DIAPH2: variants seen among roughly 807,000 people sequenced by gnomAD.
The protein encoded by DIAPH2 is protein diaphanous homolog 2.
In DIAPH2, 35 loss-of-function variants were observed where a neutral mutation model predicts 92.7. The observed-to-expected ratio is 0.38, with a 90% CI of 0.29 to 0.50. DIAPH2 has a LOEUF of 0.50. Among genes scored for constraint, DIAPH2 ranks in the 20% least tolerant of loss-of-function variants. The pLI is 0.94. For missense variants in DIAPH2, 701 were observed against 819.5 expected (o/e 0.86, Z 1.77); for synonymous variants, 301 against 280.4 (o/e 1.07, Z -0.73).
chrX:96,759,838 A>G (rs1431281811), intron 4 of DIAPH2, among the ~76,000 whole-genome samples: 2 of 111,646 alleles, frequency 1.8e-5, no homozygotes, highest in African/African-American at 6.5e-5. Context: ...ACTTGTTTTC[A>G]TTTATTCTCA....
intron 4 of DIAPH2, among the ~76,000 whole-genome samples, chrX:96,845,732 T>C (rs2064966749): frequency 8.9e-6 from 1 of 112,454 alleles, no homozygotes; most frequent in Non-Finnish European, 1.9e-5. Flanking sequence ...TCTAATTTCA[T>C]TTGATATAAA....
chrX:96,906,782 T>G (rs1016208686), intron 5 of DIAPH2, among the ~76,000 whole-genome samples: 1 of 111,938 alleles, frequency 8.9e-6, no homozygotes, highest in African/African-American at 3.2e-5. Flanking sequence ...AAGTCTTTAA[T>G]TTTTAGCTTT....
At chrX:97,226,540 A>C (rs993076807) in intron 22 of DIAPH2, among the ~76,000 whole-genome samples, 4 of 109,814 alleles carry the variant, frequency 3.6e-5, no homozygotes, top group African/African-American at 1.3e-4. Context: ...GGCCCGGCCA[A>C]TTTTTTGTAT....
chrX:97,221,877 A>G (rs558043300), intron 22 of DIAPH2, among the ~76,000 whole-genome samples: 3 of 110,692 alleles, frequency 2.7e-5, no homozygotes, highest in South Asian at 7.6e-4. Flanking sequence ...TGTTTTTAGA[A>G]TGGAATTAAC....
At chrX:97,509,552 C>G (rs1174459103) in intron 26 of DIAPH2, among the ~76,000 whole-genome samples, 2 of 80,218 alleles carry the variant, frequency 2.5e-5, no homozygotes, top group Non-Finnish European at 4.4e-5. Context: ...TACATGTGCA[C>G]ATTGTGCAGG....
chrX:96,827,354 G>A (rs1680052579), intron 4 of DIAPH2, among the ~76,000 whole-genome samples: 1 of 112,093 alleles, frequency 8.9e-6, no homozygotes, highest in Admixed American at 9.5e-5. Flanking sequence ...AGCAAACCAA[G>A]GGCTGGAAAA....
At chrX:97,280,713 G>A (rs1386349573) in intron 23 of DIAPH2, among the ~76,000 whole-genome samples, 1 of 110,906 alleles carries the variant, frequency 9.0e-6, no homozygotes, top group African/African-American at 3.3e-5. Flanking sequence ...AATTAACAGA[G>A]AAAGTCTGCA....
chrX:97,515,575 A>C (rs2070939915), intron 26 of DIAPH2, among the ~76,000 whole-genome samples: 2 of 111,955 alleles, frequency 1.8e-5, no homozygotes. Context: ...TTGATGAAGA[A>C]GTGGAGGGTA....
At chrX:97,477,089 G>A (rs2070615043) in intron 26 of DIAPH2, among the ~76,000 whole-genome samples, 1 of 105,102 alleles carries the variant, frequency 9.5e-6, no homozygotes, top group Admixed American at 1.1e-4. Context: ...CAGCACTTTG[G>A]GAGGCCATGG....
intron 17 of DIAPH2, among the ~76,000 whole-genome samples, chrX:97,059,086 A>G (rs1462042137): frequency 9.0e-6 from 1 of 111,731 alleles, no homozygotes; most frequent in African/African-American, 3.2e-5. Context: ...TTTTACAGTC[A>G]TTCAGGAGTC....
At chrX:96,925,793 A>G (rs2065577150) in intron 9 of DIAPH2, among the ~76,000 whole-genome samples, 1 of 111,061 alleles carries the variant, frequency 9.0e-6, no homozygotes, top group African/African-American at 3.3e-5. Context: ...CCTTCTACAT[A>G]TGTTTTTAGT....
At chrX:97,069,676 T>C (rs1457390312) in intron 17 of DIAPH2, among the ~76,000 whole-genome samples, 1 of 111,945 alleles carries the variant, frequency 8.9e-6, no homozygotes, top group African/African-American at 3.2e-5. Context: ...TAGAAATCAG[T>C]CTTTCTCACT....
In DIAPH2 at chrX:96,912,474, T is replaced by C; in HGVS notation, c.663-9T>C. ...AGCACAACATAATATACATTTTTCT[T>C]TTATTTAGGCAAGAAAATATTGACA... On this transcript the variant is annotated splice_polypyrimidine_tract_variant and intron_variant, in intron 6 of 26. Coordinates refer to ENST00000324765, the MANE Select transcript of DIAPH2 (RefSeq NM_006729.5). 8.3e-7 allele frequency: 1 copy of C among 1,201,452 alleles called. No individual in the cohort carries two copies. The highest frequency in any genetic ancestry group is 1.1e-6 in the Non-Finnish European group (1 of 890,856).
chrX:97,095,067 C>CCAAGGGA (rs2147357412), intron 19 of DIAPH2, among the ~76,000 whole-genome samples: 1 of 97,711 alleles, frequency 1.0e-5, no homozygotes, highest in East Asian at 3.3e-4. Context: ...AGAGATTTAG[C>CCAAGGGA]CAAGGGACTT....
chrX:97,264,044 C>T (rs935699099), intron 23 of DIAPH2, among the ~76,000 whole-genome samples: 7 of 108,423 alleles, frequency 6.5e-5, no homozygotes, highest in Non-Finnish European at 1.1e-4. Context: ...ACCCCACCCT[C>T]CTGAATAGCT....
intron 26 of DIAPH2, among the ~76,000 whole-genome samples, chrX:97,545,790 T>C (rs1204795466): frequency 9.2e-6 from 1 of 108,327 alleles, no homozygotes; most frequent in Admixed American, 1.0e-4. Context: ...TTAGAAGCAA[T>C]GAGGGATTGA....
At chrX:97,122,376 AGACT>A (rs2067064307) in intron 21 of DIAPH2, among the ~76,000 whole-genome samples, 1 of 111,607 alleles carries the variant, frequency 9.0e-6, no homozygotes, top group African/African-American at 3.3e-5. Flanking sequence ...GGTGTTGTAT[AGACT>A]GTCAGAGTAT....
Position 97,381,029 on chromosome X carries a change from C to T in DIAPH2, c.3010-2880C>T, listed in dbSNP as rs187689747. 3.6e-5 allele frequency among the ~76,000 whole-genome samples: 4 copies of T among 111,675 alleles called. No homozygotes were observed. The Admixed American group carries it at 3.8e-4, about 11-fold the overall frequency. On this transcript the variant is annotated intron_variant, in intron 24 of 26. Transcript: ENST00000324765. Reference sequence around the variant, plus strand: ...TGTTCTGTTTTATCCTTTAGTAGATCTACATTCATGTTGTTTTAGTGGTGC... The same window carrying T: ...TGTTCTGTTTTATCCTTTAGTAGATTTACATTCATGTTGTTTTAGTGGTGC...
At chrX:97,438,020 G>A (rs1202030910) in intron 26 of DIAPH2, among the ~76,000 whole-genome samples, 1 of 108,308 alleles carries the variant, frequency 9.2e-6, no homozygotes, top group Non-Finnish European at 1.9e-5. Flanking sequence ...GTACCTAAGA[G>A]CTGGGCATGG....
Sources: gnomAD v4.1 joint callset for allele counts (sites outside exome capture counted in the v4.1 genomes callset) on GRCh38, gnomAD v4.1.1 for gene constraint, MANE v1.5 for transcripts, NCBI Gene and HGNC (gene_info 2026-07-23, HGNC 2026-07-21) for gene names.